IQCH: variants seen among roughly 807,000 people sequenced by gnomAD.
IQCH encodes IQ domain-containing protein H.
In IQCH, 98 loss-of-function variants were observed where a neutral mutation model predicts 117.0. The ratio of observed to expected loss-of-function variants is 0.84; its 90% confidence interval spans 0.71 to 0.99. The LOEUF (loss-of-function observed/expected upper bound fraction) is 0.99, where lower values mean the gene tolerates loss of function less well. Among genes scored for constraint, IQCH ranks in the 50% least tolerant of loss-of-function variants. IQCH has a pLI of 0.00. For missense variants in IQCH, 1,102 were observed against 1,243.8 expected (o/e 0.89, Z 1.72); for synonymous variants, 412 against 448.2 (o/e 0.92, Z 1.02).
At chr15:67,321,496 CTTT>C (rs1968125574) in intron 4 of IQCH, among the ~76,000 whole-genome samples, 1 of 134,982 alleles carries the variant, frequency 7.4e-6, no homozygotes. Flanking sequence ...CTTTTTCTTT[CTTT>C]TTTCTTTCTT....
rs2081354142 is a variant in IQCH at position 67,408,072 on chromosome 15, G to A, written c.2097+7767G>A. ...GCGCTATCGCCGCTTCAGCTCCAGG[G>A]TTGGCGGCCATATGGATCCCGAATA... On this transcript the variant is annotated intron_variant, in intron 14 of 20. Coordinates refer to ENST00000335894, the MANE Select transcript of IQCH (RefSeq NM_001031715.3). This position sits in a 1 kb window ranked among gnomAD's most constrained non-coding sequence, Gnocchi z 4.2. 1.3e-5 allele frequency: 2 copies of A among 152,242 alleles called. No individual in the cohort carries two copies. The highest frequency in any genetic ancestry group is 4.1e-4 in the South Asian group (2 of 4,838). 9.4% of individuals were successfully genotyped at this position (152,242 alleles called of 1,614,324 possible).
In IQCH at chr15:67,494,952, A is replaced by G. The variant is rs2083766361; in HGVS notation, c.2970+586A>G. Among the ~76,000 whole-genome samples the G allele has an allele frequency of 6.6e-6, 1 of 152,218 alleles. No individual in the cohort carries two copies. The highest frequency in any genetic ancestry group is 1.5e-5 in the Non-Finnish European group (1 of 68,034). Reference sequence around the variant, plus strand: ...GGTCTATCAAATCCAGTTGTGTATAATTGACTAGAAGTCTCCAAACTGTAA... The same window carrying G: ...GGTCTATCAAATCCAGTTGTGTATAGTTGACTAGAAGTCTCCAAACTGTAA... On this transcript the variant is annotated intron_variant, in intron 20 of 20. Transcript: ENST00000335894. The surrounding 1 kb of genome is among the most constrained non-coding windows in gnomAD (Gnocchi z 5.5).
At chr15:67,306,863 C>T (rs762986680) in intron 4 of IQCH, 116 of 1,532,214 alleles carry the variant, frequency 7.6e-5, no homozygotes, top group Non-Finnish European at 9.6e-5. Context: ...GAAGAAATCC[C>T]TGGTACTGTT....
chr15:67,394,190 A>C (rs776637860), intron 12 of IQCH, among the ~76,000 whole-genome samples: 44 of 152,164 alleles, frequency 2.9e-4, no homozygotes, highest in Non-Finnish European at 5.6e-4. Flanking sequence ...TCTTCACCTG[A>C]TAAAATCCCA....
In IQCH at chr15:67,447,253, G is replaced by A. The variant is rs1023897324; in HGVS notation, c.2506-17874G>A. Reference sequence around the variant, plus strand: ...CTTAATAGGCCCTTAATCTACATCAGTGTCCCTTCCTCTTTCCTTTCCCAA... The same window carrying A: ...CTTAATAGGCCCTTAATCTACATCAATGTCCCTTCCTCTTTCCTTTCCCAA... On this transcript the variant is annotated intron_variant, in intron 16 of 20. Coordinates refer to ENST00000335894, the MANE Select transcript of IQCH (RefSeq NM_001031715.3). This position sits in a 1 kb window ranked among gnomAD's most constrained non-coding sequence, Gnocchi z 5.3. Among the ~76,000 whole-genome samples the A allele has an allele frequency of 3.3e-5, 5 of 152,196 alleles. No homozygotes were observed. Among genetic ancestry groups the A allele is most frequent in the Admixed American group, 3.3e-4 (5 of 15,284 alleles).
At chr15:67,382,785 T>G (rs1007284093) in intron 10 of IQCH, among the ~76,000 whole-genome samples, 2 of 152,180 alleles carry the variant, frequency 1.3e-5, no homozygotes, top group Admixed American at 6.6e-5. Context: ...TGTTCCTAAT[T>G]GATACCCTTG....
intron 10 of IQCH, among the ~76,000 whole-genome samples, chr15:67,378,943 CATT>C (rs1313926931): frequency 2.0e-5 from 3 of 152,136 alleles, no homozygotes; most frequent in African/African-American, 7.2e-5. Context: ...TTATATCTGT[CATT>C]ATTAACTGTA....
intron 3 of IQCH, among the ~76,000 whole-genome samples, chr15:67,275,867 G>A (rs563329461): frequency 6.6e-5 from 10 of 152,268 alleles, no homozygotes. Context: ...GTGACAGAGT[G>A]AGATCTTGTT....
rs1417171959 is a variant in IQCH, at chr15:67,493,047, A to C, written c.2862-1211A>C. Among the ~76,000 whole-genome samples, 1 of 152,174 alleles carries C rather than the reference A, an allele frequency of 6.6e-6. No individual in the cohort carries two copies. Among genetic ancestry groups the C allele is most frequent in the Non-Finnish European group, 1.5e-5 (1 of 68,024 alleles). The stretch of plus-strand genomic sequence containing the variant: ...CTGCAGGCTAGTTTCAATGGCAGAA[A>C]TAGTCCTATTGGTGTACCTTCTAGA... On this transcript the variant is annotated intron_variant, in intron 19 of 20. Coordinates refer to ENST00000335894, the MANE Select transcript of IQCH (RefSeq NM_001031715.3). The surrounding 1 kb of genome is among the most constrained non-coding windows in gnomAD (Gnocchi z 5.1).
chr15:67,309,110 C>A (rs1020359), intron 4 of IQCH, among the ~76,000 whole-genome samples: 31 of 152,104 alleles, frequency 2.0e-4, no homozygotes, highest in African/African-American at 7.2e-4. Flanking sequence ...TGTAAAATGT[C>A]CACAATAAAA....
At chr15:67,362,055 G>T (rs1335737114) in intron 8 of IQCH, among the ~76,000 whole-genome samples, 1 of 151,978 alleles carries the variant, frequency 6.6e-6, no homozygotes, top group Non-Finnish European at 1.5e-5. Context: ...GAGTGTGTTT[G>T]CTTCTGGGAA....
chr15:67,281,320 A>G lies in IQCH; in HGVS notation c.387+1808A>G, dbSNP rs144879496. Among the ~76,000 whole-genome samples the G allele has an allele frequency of 4.0e-3, 605 of 152,294 alleles. 4 individuals are homozygous for G. Among genetic ancestry groups the G allele is most frequent in the African/African-American group, 0.014 (564 of 41,550 alleles). ...GAGGCAGATTGATTAATTAGGAGAAAAGGCATACAAGTTTATTTAACATGT... is the reference window on the plus strand; with the variant it reads ...GAGGCAGATTGATTAATTAGGAGAAGAGGCATACAAGTTTATTTAACATGT... On this transcript the variant is annotated intron_variant, in intron 4 of 20. Transcript: ENST00000335894.
rs146451333 is a variant in IQCH, at chr15:67,349,501, C to A, written c.637+5310C>A. On this transcript the variant is annotated intron_variant, in intron 6 of 20. Coordinates refer to ENST00000335894, the MANE Select transcript of IQCH (RefSeq NM_001031715.3). ...AGGCGTGGTGGTGGGTACCTATAAT[C>A]CCAGCTACTTGGGAGACTGAGGCTT... 6.8e-3 allele frequency among the ~76,000 whole-genome samples: 1,024 copies of A among 151,650 alleles called. 16 individuals carry two copies. The highest frequency in any genetic ancestry group is 0.023 in the African/African-American group (953 of 41,334).
chr15:67,296,998 A>G (rs1241347222), intron 4 of IQCH, among the ~76,000 whole-genome samples: 1 of 152,172 alleles, frequency 6.6e-6, no homozygotes, highest in African/African-American at 2.4e-5. Context: ...TAGGAATGAG[A>G]AAACGGATTG....
rs145325344 is a variant in IQCH, at chr15:67,299,739, G to A, written c.387+20227G>A. ...GTCTCCCTAGTAGCTCTTCTAAACT[G>A]TTAGTTTTATCTGGAAGCTTGATTG... On this transcript the variant is annotated intron_variant, in intron 4 of 20. Transcript: ENST00000335894. Among the ~76,000 whole-genome samples, 13 of 152,182 alleles carry A rather than the reference G, an allele frequency of 8.5e-5. No homozygotes were observed. The East Asian group carries it at 2.3e-3, about 27-fold the overall frequency.
In IQCH at chr15:67,474,922, C is replaced by T. The variant is rs1011097832; in HGVS notation, c.2677-774C>T. ...GCCCACGTGGTCTTCCTCTCAAAAA[C>T]ACATTACTACAGTCTAATCAGGAGA... is the stretch of plus-strand genomic sequence containing the variant. On this transcript the variant is annotated intron_variant, in intron 17 of 20. Transcript: ENST00000335894. The surrounding 1 kb of genome is among the most constrained non-coding windows in gnomAD (Gnocchi z 4.1). Among the ~76,000 whole-genome samples the T allele has an allele frequency of 6.6e-6, 1 of 152,202 alleles. No homozygotes were observed. Among genetic ancestry groups the T allele is most frequent in the Non-Finnish European group, 1.5e-5 (1 of 68,034 alleles).
At position 67,268,005 on chromosome 15, in the gene IQCH, A is replaced by T. The variant is rs142813464; in HGVS notation, c.269+4789A>T. On this transcript the variant is annotated intron_variant, in intron 3 of 20. Coordinates refer to ENST00000335894, the MANE Select transcript of IQCH (RefSeq NM_001031715.3). ...AAATGTTTACTCTTTCCCTTTAAAG[A>T]TGAGGAAACTGAGGCTCAGAGAGGT... Among the ~76,000 whole-genome samples, 739 of 152,272 alleles carry T rather than the reference A, an allele frequency of 4.9e-3. 7 individuals are homozygous for T. The highest frequency in any genetic ancestry group is 0.017 in the African/African-American group (707 of 41,556).
At chr15:67,325,029 T>G (rs763951871) in intron 4 of IQCH, among the ~76,000 whole-genome samples, 1 of 152,142 alleles carries the variant, frequency 6.6e-6, no homozygotes, top group African/African-American at 2.4e-5. Context: ...CCTCCTCTCC[T>G]TCTGGGGCTT....
rs1444313499 is a variant in IQCH, at chr15:67,463,566, GTTGTTAT to G, written c.2506-1558_2506-1552del. Reference sequence around the variant, plus strand: ...TCAGTTTCTTCATCTGTGACATGGGGTTGTTATTTTTTAGGCTACCACAGAGATCTGA... The same window carrying G: ...TCAGTTTCTTCATCTGTGACATGGGGTTTTTAGGCTACCACAGAGATCTGA... On this transcript the variant is annotated intron_variant, in intron 16 of 20. Transcript: ENST00000335894. The surrounding 1 kb of genome is among the most constrained non-coding windows in gnomAD (Gnocchi z 4.0). Among the ~76,000 whole-genome samples, 2 of 152,118 alleles carry G rather than the reference GTTGTTAT, an allele frequency of 1.3e-5. No homozygotes were observed.
Sources: gnomAD v4.1 joint callset for allele counts (sites outside exome capture counted in the v4.1 genomes callset) on GRCh38, gnomAD v4.1.1 for gene constraint, Gnocchi (gnomAD v3.1) non-coding constraint, MANE v1.5 for transcripts, NCBI Gene and HGNC (gene_info 2026-07-23, HGNC 2026-07-21) for gene names.